The following PWP1 variants were observed in gnomAD, a reference collection of about 807,000 sequenced individuals.
PWP1 encodes periodic tryptophan protein 1 homolog.
A neutral mutation model predicts 69.9 loss-of-function variants in PWP1; 47 were observed. That is an observed-to-expected ratio of 0.67 (90% confidence interval 0.53 to 0.86). The LOEUF (loss-of-function observed/expected upper bound fraction) is 0.86. PWP1 is among the 40% of genes least tolerant of loss of function. PWP1 has a pLI of 0.00. For synonymous variants in PWP1, 222 were observed against 208.2 expected (o/e 1.07, Z -0.57); for missense variants, 551 against 608.8 (o/e 0.91, Z 1.00).
rs924202496 is a variant in PWP1, at chr12:107,703,600, G to A, written c.904-85G>A. ...AGAGGGACGCATTTATAGAAATACT[G>A]TCAAATAGATTCTTACCACATGTTA... On this transcript the variant is annotated intron_variant, in intron 9 of 14. Transcript: ENST00000412830. The A allele has an allele frequency of 2.6e-6, 3 of 1,158,400 alleles. No individual in the cohort carries two copies. The African/African-American group carries it at 4.6e-5, about 18-fold the overall frequency. 71.8% of individuals were successfully genotyped at this position (1,158,400 alleles called of 1,614,324 possible).
chr12:107,708,853 ATG>A, intron 11 of PWP1, 71 bp from the exon 12 acceptor site: 1 of 1,337,594 alleles, frequency 7.5e-7, no homozygotes. Flanking sequence ...GATTTTCACT[ATG>A]ACTTAGACTT....
rs1023499757 is a variant in PWP1 at position 107,712,284 on chromosome 12, T to C, written c.*64T>C. ...TTTTAAAAAGTTGGCCTAAAAATGTTCCATGCGTGGCAGCAACCATGCAGA... is the reference window on the plus strand; with the variant it reads ...TTTTAAAAAGTTGGCCTAAAAATGTCCCATGCGTGGCAGCAACCATGCAGA... On this transcript the variant is annotated 3_prime_UTR_variant, in exon 15 of 15. Coordinates refer to ENST00000412830, the MANE Select transcript of PWP1 (RefSeq NM_007062.3). 52 of 1,262,762 alleles carry C rather than the reference T, an allele frequency of 4.1e-5. No individual in the cohort carries two copies. The African/African-American group carries it at 7.2e-4, about 18-fold the overall frequency. The allele number at this position is 1,262,762 out of a possible 1,614,324, so 78.2% of individuals were successfully genotyped here.
Position 107,703,132 on chromosome 12 carries a change from A to G in PWP1, c.903+101A>G, listed in dbSNP as rs1476308466. The G allele has an allele frequency of 4.5e-6, 4 of 879,944 alleles. No individual in the cohort carries two copies. The South Asian group carries it at 5.8e-5, about 13-fold the overall frequency. The allele number at this position is 879,944 out of a possible 1,614,324, so 54.5% of individuals were successfully genotyped here. ...TATATATGGCTTTGAAAATAATTTT[A>G]TCTGGCTTGCGGCATGCTTTCACAT... On this transcript the variant is annotated intron_variant, in intron 9 of 14. Coordinates refer to ENST00000412830, the MANE Select transcript of PWP1 (RefSeq NM_007062.3).
At chr12:107,686,772 C>T (rs1889373792) in intron 1 of PWP1, among the ~76,000 whole-genome samples, 1 of 152,112 alleles carries the variant, frequency 6.6e-6, no homozygotes. Context: ...CGAGAGCATC[C>T]TGGCTAACAC....
chr12:107,696,677 A>ACTT, intron 6 of PWP1, 93 bp downstream of exon 6: 1 of 1,547,180 alleles, frequency 6.5e-7, no homozygotes, highest in Non-Finnish European at 8.7e-7. Context: ...ATGTTTTCAG[A>ACTT]ATTGTTGCTG....
intron 3 of PWP1, among the ~76,000 whole-genome samples, chr12:107,690,566 C>T (rs1889460012): frequency 6.6e-6 from 1 of 152,162 alleles, no homozygotes; most frequent in Admixed American, 6.5e-5. Context: ...CTAATTCAAG[C>T]AATTTTCCTG....
chr12:107,686,833 G>A (rs987359480), intron 1 of PWP1, among the ~76,000 whole-genome samples: 1 of 152,100 alleles, frequency 6.6e-6, no homozygotes, highest in Non-Finnish European at 1.5e-5. Flanking sequence ...GGGTGTGGTG[G>A]TGGATGCCTG....
intron 11 of PWP1, among the ~76,000 whole-genome samples, chr12:107,706,849 GTTCTTT>G (rs1889834386): frequency 6.6e-6 from 1 of 152,180 alleles, no homozygotes; most frequent in East Asian, 1.9e-4. Flanking sequence ...CTCCACCTTT[GTTCTTT>G]TGGCTTAGGA....
chr12:107,710,609 A>G (rs934772314), intron 14 of PWP1, 99 bp downstream of exon 14: 2 of 1,416,286 alleles, frequency 1.4e-6, no homozygotes, highest in African/African-American at 1.4e-5. Context: ...GCTGGTCTCA[A>G]ACTCCTGGCC....
At position 107,698,925 on chromosome 12, in the gene PWP1, G is replaced by A. The variant is rs546061405; in HGVS notation, c.745-448G>A. Among the ~76,000 whole-genome samples, 45 of 152,220 alleles carry A rather than the reference G, an allele frequency of 3.0e-4. 2 individuals carry two copies. The South Asian group carries it at 9.3e-3, about 32-fold the overall frequency. On this transcript the variant is annotated intron_variant, in intron 7 of 14. Transcript: ENST00000412830. ...GAAATTAATCATGAGTCTCTAACAG[G>A]GAGACAAGGTTTTATTTATTTTATT...
At chr12:107,705,557 C>T (rs1889805587) in intron 11 of PWP1, among the ~76,000 whole-genome samples, 1 of 137,794 alleles carries the variant, frequency 7.3e-6, no homozygotes. Flanking sequence ...GTGTGATGTT[C>T]CCCTTCCTGT....
chr12:107,689,554 G>A lies in PWP1; in HGVS notation c.319+752G>A, dbSNP rs550084450. ...TGAGGTCAGGAGTTCGAGACCAGCC[G>A]GGCCAACATGGCGAAACCCTGTCTC... On this transcript the variant is annotated intron_variant, in intron 3 of 14. Transcript: ENST00000412830. Among the ~76,000 whole-genome samples the A allele has an allele frequency of 7.2e-5, 11 of 152,118 alleles. No individual in the cohort carries two copies. The East Asian group carries it at 1.7e-3, about 24-fold the overall frequency.
Position 107,692,985 on chromosome 12 carries a change from T to C in PWP1, c.406-15T>C. ...CTCTGCTTCTAGTCAATGACATTTT[T>C]TTCCTCTCACTTAGGAACAATATGA... is the stretch of plus-strand genomic sequence containing the variant. On this transcript the variant is annotated splice_polypyrimidine_tract_variant and intron_variant, in intron 4 of 14. Transcript: ENST00000412830. The C allele has an allele frequency of 6.2e-7, 1 of 1,613,778 alleles. No individual in the cohort carries two copies. Among genetic ancestry groups the C allele is most frequent in the South Asian group, 1.1e-5 (1 of 90,904 alleles).
At chr12:107,711,584 TC>T (rs1889953583) in intron 14 of PWP1, among the ~76,000 whole-genome samples, 1 of 152,172 alleles carries the variant, frequency 6.6e-6, no homozygotes, top group African/African-American at 2.4e-5. Flanking sequence ...GCCACTCCTC[TC>T]CCTTCAGGGG....
At position 107,709,655 on chromosome 12, in the gene PWP1, T is replaced by C. The variant is rs192523409; in HGVS notation, c.1290+423T>C. Among the ~76,000 whole-genome samples, 969 of 152,194 alleles carry C rather than the reference T, an allele frequency of 6.4e-3. 4 individuals carry two copies. Among genetic ancestry groups the C allele is most frequent in the Non-Finnish European group, 8.4e-3 (570 of 68,014 alleles). ...GACTACACTGAAACAAATTACTATA[T>C]AGTAGGAAAAATTTAGAAATAACCA... On this transcript the variant is annotated intron_variant, in intron 13 of 14. Transcript: ENST00000412830.
intron 8 of PWP1, among the ~76,000 whole-genome samples, chr12:107,701,250 C>T (rs1219870977): frequency 6.6e-6 from 1 of 152,140 alleles, no homozygotes; most frequent in African/African-American, 2.4e-5. Context: ...ACCTCAGCCT[C>T]CCAAAGTGCT....
At chr12:107,686,676 A>G (rs1889371536) in intron 1 of PWP1, among the ~76,000 whole-genome samples, 1 of 152,176 alleles carries the variant, frequency 6.6e-6, no homozygotes, top group African/African-American at 2.4e-5. Context: ...AACAAAATAG[A>G]AAAAGTCCCG....
At chr12:107,700,267 G>A (rs1352246436) in intron 8 of PWP1, among the ~76,000 whole-genome samples, 3 of 152,106 alleles carry the variant, frequency 2.0e-5, no homozygotes, top group Admixed American at 1.3e-4. Context: ...TCACAGAGTT[G>A]TGCAACCATC....
At chr12:107,700,705 C>T (rs758012327) in intron 8 of PWP1, among the ~76,000 whole-genome samples, 1 of 152,154 alleles carries the variant, frequency 6.6e-6, no homozygotes, top group Admixed American at 6.5e-5. Context: ...ATTACTGAAT[C>T]TTATGGTAAT....
Sources: allele counts gnomAD v4.1 joint callset (sites outside exome capture counted in the v4.1 genomes callset), GRCh38; gene constraint gnomAD v4.1.1; transcripts MANE v1.5; gene names NCBI Gene and HGNC (gene_info 2026-07-23, HGNC 2026-07-21).